Variants in HMGA2 observed in about 807,000 individuals in gnomAD.
The protein encoded by HMGA2 is high mobility group AT-hook 2.
A neutral mutation model predicts 19.1 loss-of-function variants in HMGA2; 8 were observed. The observed-to-expected ratio is 0.42, with a 90% confidence interval of 0.25 to 0.76. The LOEUF (loss-of-function observed/expected upper bound fraction) is 0.76, where lower values mean the gene tolerates loss of function less well. HMGA2 is among the 30% of genes least tolerant of loss of function. The pLI is 0.28. For missense variants in HMGA2, 109 were observed against 136.3 expected (o/e 0.80, Z 1.00); for synonymous variants, 60 against 48.8 (o/e 1.23, Z -0.96).
Position 65,914,049 on chromosome 12 carries a change from T to G in HMGA2, c.250-37334T>G, listed in dbSNP as rs1343682636. The stretch of plus-strand genomic sequence containing the variant: ...AACACTTTTACACTGTTGGTGGGAC[T>G]ATAAACTAGTTCAACCATTGTGGAA... On this transcript the variant is annotated intron_variant, in intron 3 of 4. Coordinates refer to ENST00000403681, the MANE Select transcript of HMGA2 (RefSeq NM_003483.6). Among the ~76,000 whole-genome samples the G allele has an allele frequency of 2.0e-5, 3 of 152,186 alleles. No individual in the cohort carries two copies. The East Asian group carries it at 5.8e-4, about 29-fold the overall frequency.
At chr12:65,931,155 T>G (rs1340704190) in intron 3 of HMGA2, among the ~76,000 whole-genome samples, 1 of 152,206 alleles carries the variant, frequency 6.6e-6, no homozygotes, top group Non-Finnish European at 1.5e-5. Context: ...TTGTTTTTTG[T>G]TCAGCATCAA....
intron 2 of HMGA2, among the ~76,000 whole-genome samples, chr12:65,832,151 G>T (rs1488282921): frequency 1.3e-5 from 2 of 151,842 alleles, no homozygotes; most frequent in Non-Finnish European, 2.9e-5. Context: ...TGATATTTAG[G>T]CTGACTTACC....
intron 2 of HMGA2, among the ~76,000 whole-genome samples, chr12:65,833,103 T>C (rs1278374389): frequency 1.3e-5 from 2 of 152,088 alleles, no homozygotes; most frequent in Non-Finnish European, 2.9e-5. Context: ...ACTTATATTT[T>C]CTATTGGAAA....
intron 3 of HMGA2, among the ~76,000 whole-genome samples, chr12:65,863,127 G>A (rs976425233): frequency 6.6e-6 from 1 of 152,228 alleles, no homozygotes; most frequent in Non-Finnish European, 1.5e-5. Context: ...CACTTAAGTA[G>A]AGCTGGGGAA....
chr12:65,835,821 T>C (rs1870693088), intron 2 of HMGA2, among the ~76,000 whole-genome samples: 1 of 152,172 alleles, frequency 6.6e-6, no homozygotes, highest in South Asian at 2.1e-4. Context: ...CTAAGGTCAA[T>C]AGGCTCCTTC....
intron 3 of HMGA2, among the ~76,000 whole-genome samples, chr12:65,883,515 C>T (rs148538584): frequency 1.1e-4 from 17 of 152,344 alleles, no homozygotes; most frequent in African/African-American, 3.8e-4. Context: ...AGTTAAATAA[C>T]TTGTTCAAGA....
chr12:65,951,036 C>G (rs190132686), intron 3 of HMGA2, among the ~76,000 whole-genome samples: 3 of 152,062 alleles, frequency 2.0e-5, no homozygotes, highest in African/African-American at 7.2e-5. Context: ...CCCAGGTGAT[C>G]CTTCCATTTA....
intron 3 of HMGA2, among the ~76,000 whole-genome samples, chr12:65,947,167 G>A (rs991361212): frequency 2.0e-5 from 3 of 151,478 alleles, no homozygotes; most frequent in South Asian, 2.1e-4. Context: ...TCACCCAGGC[G>A]GGAGTGCAAT....
At chr12:65,897,850 C>G (rs772835296) in intron 3 of HMGA2, among the ~76,000 whole-genome samples, 8 of 151,756 alleles carry the variant, frequency 5.3e-5, no homozygotes, top group Non-Finnish European at 5.9e-5. Flanking sequence ...GTAATCCCAG[C>G]TACTTGAGAG....
At chr12:65,916,622 A>T (rs955563783) in intron 3 of HMGA2, among the ~76,000 whole-genome samples, 2 of 152,232 alleles carry the variant, frequency 1.3e-5, no homozygotes, top group African/African-American at 4.8e-5. Context: ...CAGTCTTAGG[A>T]TGTGCAGGAT....
chr12:65,961,238 C>A (rs883605), intron 4 of HMGA2, among the ~76,000 whole-genome samples: 3,873 of 152,238 alleles, frequency 0.025, 167 homozygotes, highest in African/African-American at 0.087. Context: ...CATCTGGGGA[C>A]AAACGAGGTG....
chr12:65,963,177 C>G, intron 4 of HMGA2, 68 bp from the exon 5 acceptor site: 1 of 1,468,154 alleles, frequency 6.8e-7, no homozygotes, highest in South Asian at 1.1e-5. Flanking sequence ...TACCTCTGCA[C>G]TGTTGGCAAG....
rs1870093506 is a variant in HMGA2 at position 65,825,297 on chromosome 12, G to A, written c.27G>A (p.Gly9=). 6.5e-7 allele frequency: 1 copy of A among 1,534,432 alleles called. No homozygotes were observed. Among genetic ancestry groups the A allele is most frequent in the African/African-American group, 1.4e-5 (1 of 72,062 alleles). The change falls in exon 1 of 5, where the codon GGG becomes GGA. Residue 9 remains glycine, a synonymous_variant. Transcript: ENST00000403681. The surrounding 1 kb of genome is among the most constrained non-coding windows in gnomAD (Gnocchi z 4.4). MSARGEGA[G]QPSTSAQGQP... Reference sequence around the variant, plus strand: ...TGAGCGCACGCGGTGAGGGCGCGGGGCAGCCGTCCACTTCAGCCCAGGGAC... The same window carrying A: ...TGAGCGCACGCGGTGAGGGCGCGGGACAGCCGTCCACTTCAGCCCAGGGAC...
intron 3 of HMGA2, among the ~76,000 whole-genome samples, chr12:65,868,374 C>T (rs1399574575): frequency 1.3e-5 from 2 of 151,814 alleles, no homozygotes; most frequent in African/African-American, 4.8e-5. Flanking sequence ...TGTCAAAGAG[C>T]TTCTTTAAGC....
At chr12:65,882,964 C>T (rs1219062840) in intron 3 of HMGA2, among the ~76,000 whole-genome samples, 1 of 152,222 alleles carries the variant, frequency 6.6e-6, no homozygotes, top group Non-Finnish European at 1.5e-5. Flanking sequence ...AAATGGCAGA[C>T]TCTGCCCCGC....
At chr12:65,885,448 T>C (rs1873615295) in intron 3 of HMGA2, among the ~76,000 whole-genome samples, 1 of 152,182 alleles carries the variant, frequency 6.6e-6, no homozygotes, top group Non-Finnish European at 1.5e-5. Context: ...TTAATATCCT[T>C]GTAGATTAAA....
chr12:65,843,665 TACACACACAC>T (rs35271921), intron 3 of HMGA2: 21 of 146,574 alleles, frequency 1.4e-4, no homozygotes, highest in South Asian at 6.5e-4. Flanking sequence ...GTTTGCTACT[TACACACACAC>T]ACACACACAC....
chr12:65,923,262 C>T (rs534174005), intron 3 of HMGA2, among the ~76,000 whole-genome samples: 1 of 152,182 alleles, frequency 6.6e-6, no homozygotes. Flanking sequence ...TAAAGAAGAC[C>T]CCTCAAGAAA....
chr12:65,966,282 T>A lies in HMGA2; in HGVS notation c.*2990T>A, dbSNP rs1052013676. 3.2e-5 allele frequency: 6 copies of A among 186,064 alleles called. No individual in the cohort carries two copies. Among genetic ancestry groups the A allele is most frequent in the African/African-American group, 1.4e-4 (6 of 42,680 alleles). The allele number at this position is 186,064 out of a possible 1,614,324, so 11.5% of individuals were successfully genotyped here. A position where few individuals can be genotyped will look rare whatever the true frequency, so the allele number is the denominator to read the frequency against. ...CCATTAAATGAGTAATAAAGTTTGG[T>A]CAAAACAGATCAAGGAGGGAGACAC... On this transcript the variant is annotated 3_prime_UTR_variant, in exon 5 of 5. Coordinates refer to ENST00000403681, the MANE Select transcript of HMGA2 (RefSeq NM_003483.6).
Sources: gnomAD v4.1 joint callset for allele counts (sites outside exome capture counted in the v4.1 genomes callset) on GRCh38, gnomAD v4.1.1 for gene constraint, Gnocchi (gnomAD v3.1) non-coding constraint, MANE v1.5 for transcripts, NCBI Gene and HGNC (gene_info 2026-07-23, HGNC 2026-07-21) for gene names.